The following PXMP2 variants were observed in gnomAD, a reference collection of about 807,000 sequenced individuals.
The protein encoded by PXMP2 is peroxisomal membrane protein 2.
In PXMP2, 13 loss-of-function variants were observed where a neutral mutation model predicts 20.2. The ratio of observed to expected loss-of-function variants is 0.64; its 90% CI spans 0.42 to 1.02. The LOEUF (loss-of-function observed/expected upper bound fraction) is 1.02. PXMP2 is among the 50% of genes least tolerant of loss of function. The pLI is 0.00. For missense variants in PXMP2, 284 were observed against 251.8 expected, an observed-to-expected ratio of 1.13 and a Z score of -0.87; for synonymous variants, 113 against 111.2, an observed-to-expected ratio of 1.02 and a Z score of -0.10.
chr12:132,699,334 G>C (rs1454491135), intron 3 of PXMP2, among the ~76,000 whole-genome samples: 1 of 152,066 alleles, frequency 6.6e-6, no homozygotes, highest in Non-Finnish European at 1.5e-5. Flanking sequence ...GAGGCTTGAT[G>C]TCAGGAGGTT....
At chr12:132,694,061 G>A (rs1368328740) in intron 2 of PXMP2, among the ~76,000 whole-genome samples, 1 of 97,882 alleles carries the variant, frequency 1.0e-5, no homozygotes, top group Non-Finnish European at 2.1e-5. Context: ...TTAAGTGAGC[G>A]CCCTTAGCCA....
intron 2 of PXMP2, among the ~76,000 whole-genome samples, chr12:132,694,164 C>T (rs1240368090): frequency 3.9e-5 from 4 of 101,470 alleles, no homozygotes; most frequent in African/African-American, 1.6e-4. Flanking sequence ...CTCCCTTAGC[C>T]AGTTAGTGAG....
chr12:132,693,755 TA>T (rs1319008127), intron 2 of PXMP2, among the ~76,000 whole-genome samples: 6,806 of 72,532 alleles, frequency 0.094, 199 homozygotes, highest in Non-Finnish European at 0.15. Context: ...TGAGCTCCCT[TA>T]GCCAGTTAGT....
rs1029973962 is a variant in PXMP2 at position 132,696,233 on chromosome 12, CTTTA to C, written c.399+204_399+207del. Among the ~76,000 whole-genome samples the C allele has an allele frequency of 7.2e-5, 11 of 152,056 alleles. No homozygotes were observed. Among genetic ancestry groups the C allele is most frequent in the South Asian group, 4.2e-4 (2 of 4,818 alleles). ...GACCTGTTTGTACCCAGTAGAGTCA[CTTTA>C]TTTATTTATTTATTTAAAGACAGGG... On this transcript the variant is annotated intron_variant, in intron 3 of 4. Transcript: ENST00000317479. This position sits in a 1 kb window ranked among gnomAD's most constrained non-coding sequence, Gnocchi z 4.4.
At chr12:132,689,327 G>A (rs2043351196) in intron 1 of PXMP2, among the ~76,000 whole-genome samples, 1 of 152,168 alleles carries the variant, frequency 6.6e-6, no homozygotes, top group Non-Finnish European at 1.5e-5. Context: ...GACACGGCCA[G>A]GGAAGGTGTT....
chr12:132,701,275 C>G lies in PXMP2; in HGVS notation c.425C>G (p.Ala142Gly), dbSNP rs755811823. Residue 142 changes from alanine to glycine, a missense_variant, in exon 4 of 5, where the codon GCC (alanine) becomes GGC (glycine). Ala to Gly is a moderately conservative substitution (Grantham distance 60, BLOSUM62 0). Transcript: ENST00000317479. ...GGGAAAGACGCCTCAGCCTTCGCCG[C>G]CAAGATGAGGGGGGGCTTCTGGCCG... ...LEGKDASAFA[A>G]KMRGGFWPAL... The G allele has an allele frequency of 1.9e-6, 3 of 1,613,302 alleles. No homozygotes were observed. Among genetic ancestry groups the G allele is most frequent in the Admixed American group, 1.7e-5 (1 of 59,880 alleles).
chr12:132,704,015 A>C (rs1345794016), intron 4 of PXMP2, among the ~76,000 whole-genome samples: 1 of 152,180 alleles, frequency 6.6e-6, no homozygotes, highest in African/African-American at 2.4e-5. Flanking sequence ...ATGCGGAAGC[A>C]GCATTCATTC....
intron 2 of PXMP2, among the ~76,000 whole-genome samples, chr12:132,694,348 C>T (rs2043394448): frequency 1.4e-5 from 1 of 71,290 alleles, no homozygotes; most frequent in African/African-American, 4.8e-5. Context: ...GCGCCCTTGC[C>T]AGTTAGTGAG....
intron 3 of PXMP2, among the ~76,000 whole-genome samples, chr12:132,699,656 A>G (rs1356554739): frequency 6.6e-6 from 1 of 150,862 alleles, no homozygotes; most frequent in East Asian, 2.0e-4. Context: ...CAGCCTCCCA[A>G]AGTGCTGAGA....
At position 132,701,250 on chromosome 12, in the gene PXMP2, G is replaced by A; in HGVS notation, c.400G>A (p.Gly134Arg). ...LFFLIMNFLE[G>R]KDASAFAAKM... is the part of the protein sequence containing the mutation. Reference sequence around the variant, plus strand: ...ACCACCCGCCTTCCCTCCTTTGCAGGGGAAAGACGCCTCAGCCTTCGCCGC... The same window carrying A: ...ACCACCCGCCTTCCCTCCTTTGCAGAGGAAAGACGCCTCAGCCTTCGCCGC... Residue 134 changes from glycine to arginine, a missense_variant and splice_region_variant, in exon 4 of 5, where the codon GGG (glycine) becomes AGG (arginine). Transcript: ENST00000317479. 1 of 1,613,660 alleles carries A rather than the reference G, an allele frequency of 6.2e-7. No individual in the cohort carries two copies. Among genetic ancestry groups the A allele is most frequent in the Non-Finnish European group, 8.5e-7 (1 of 1,179,968 alleles).
Position 132,701,378 on chromosome 12 carries a change from C to T in PXMP2, c.519+9C>T, listed in dbSNP as rs2043440416. On this transcript the variant is annotated intron_variant, in intron 4 of 4. Coordinates refer to ENST00000317479, the MANE Select transcript of PXMP2 (RefSeq NM_018663.3). ...ACTACGTCCCTCTGAAGGTGAGGGC[C>T]ACGGGGCTCAGCCTCTGCTAACATT... 1.2e-6 allele frequency: 2 copies of T among 1,611,976 alleles called. No homozygotes were observed. Among genetic ancestry groups the T allele is most frequent in the East Asian group, 2.2e-5 (1 of 44,754 alleles).
intron 3 of PXMP2, among the ~76,000 whole-genome samples, chr12:132,700,322 C>A (rs889277086): frequency 1.3e-5 from 2 of 152,108 alleles, no homozygotes; most frequent in Admixed American, 1.3e-4. Context: ...GCTTAAATTA[C>A]GGTCATGAGC....
rs575676649 is a variant in PXMP2, at chr12:132,699,199, T to C, written c.400-2051T>C. Among the ~76,000 whole-genome samples the C allele has an allele frequency of 5.9e-5, 9 of 152,268 alleles. No individual in the cohort carries two copies. The South Asian group carries it at 1.9e-3, about 32-fold the overall frequency. On this transcript the variant is annotated intron_variant, in intron 3 of 4. Transcript: ENST00000317479. ...ACATCGGCTGAGGCAGGAAGGTCAC[T>C]TGAACCCAGGATGTCGAGACCAGCC...
chr12:132,704,656 G>T lies in PXMP2; in HGVS notation c.557G>T (p.Trp186Leu). 1 of 1,538,700 alleles carries T rather than the reference G, an allele frequency of 6.5e-7. No individual in the cohort carries two copies. The highest frequency in any genetic ancestry group is 1.2e-5 in the South Asian group (1 of 80,292). Residue 186 changes from tryptophan (W) to leucine (L), a missense_variant, in exon 5 of 5, where the codon TGG (tryptophan) becomes TTG (leucine). Coordinates refer to ENST00000317479, the MANE Select transcript of PXMP2 (RefSeq NM_018663.3). ...TTCGCCAACCTGGCAGCTCTGTTCT[G>T]GTATGCCTACCTGGCCTCCTTGGGG... ...VLFANLAALFWYAYLASLGK is the reference protein window; with the variant it reads ...VLFANLAALFLYAYLASLGK
chr12:132,696,059 C>CA lies in PXMP2; in HGVS notation c.399+14dup. 2 of 1,591,508 alleles carry CA rather than the reference C, an allele frequency of 1.3e-6. No individual in the cohort carries two copies. The highest frequency in any genetic ancestry group is 1.7e-6 in the Non-Finnish European group (2 of 1,165,648). On this transcript the variant is annotated intron_variant, in intron 3 of 4. Coordinates refer to ENST00000317479, the MANE Select transcript of PXMP2 (RefSeq NM_018663.3). The surrounding 1 kb of genome is among the most constrained non-coding windows in gnomAD (Gnocchi z 4.4). ...GAACTTTCTGGAGGTGGGTGTCTGC[C>CA]ACAGCACTTACTGCAGCTCTTCGTT...
intron 3 of PXMP2, among the ~76,000 whole-genome samples, chr12:132,698,807 A>G (rs1380668276): frequency 6.6e-6 from 1 of 152,036 alleles, no homozygotes; most frequent in Non-Finnish European, 1.5e-5. Context: ...TTGTATTTTT[A>G]GTAGCAATGG....
intron 1 of PXMP2, among the ~76,000 whole-genome samples, chr12:132,689,105 A>G (rs1450714597): frequency 7.8e-5 from 5 of 64,132 alleles, no homozygotes; most frequent in Admixed American, 1.7e-4. Flanking sequence ...GGCGCGGGTG[A>G]AGACAGGGCC....
rs1491154740 is a variant in PXMP2, at chr12:132,701,451, CCT to C, written c.519+84_519+85del. ...TTCCTTCCTTCCTCTTTCCTCCCCC[CCT>C]CCCTCCCCTCTTCTTTTCTCTTCTC... On this transcript the variant is annotated intron_variant, in intron 4 of 4. Transcript: ENST00000317479. 3.7e-5 allele frequency: 56 copies of C among 1,505,018 alleles called. 1 individual carries two copies. The highest frequency in any genetic ancestry group is 5.8e-5 in the Admixed American group (3 of 51,580). 93.2% of individuals were successfully genotyped at this position (1,505,018 alleles called of 1,614,324 possible). A position where few individuals can be genotyped will look rare whatever the true frequency, so the allele number is the denominator to read the frequency against.
At position 132,696,627 on chromosome 12, in the gene PXMP2, G is replaced by T. The variant is rs890068050; in HGVS notation, c.399+581G>T. 6.6e-6 allele frequency among the ~76,000 whole-genome samples: 1 copy of T among 151,470 alleles called. No individual in the cohort carries two copies. The highest frequency in any genetic ancestry group is 2.0e-4 in the East Asian group (1 of 5,090). On this transcript the variant is annotated intron_variant, in intron 3 of 4. Coordinates refer to ENST00000317479, the MANE Select transcript of PXMP2 (RefSeq NM_018663.3). This position sits in a 1 kb window ranked among gnomAD's most constrained non-coding sequence, Gnocchi z 4.4. ...AGCCTGGCCAACATGGTGAAACCTC[G>T]TCTCTACTAAAAATACAAAAAATTT...
Sources: allele counts gnomAD v4.1 joint callset (sites outside exome capture counted in the v4.1 genomes callset), GRCh38; gene constraint gnomAD v4.1.1; non-coding constraint Gnocchi (gnomAD v3.1); transcripts MANE v1.5; gene names NCBI Gene and HGNC (gene_info 2026-07-23, HGNC 2026-07-21).